SH3D19: variants seen among roughly 807,000 people sequenced by gnomAD.
SH3D19 encodes SH3 domain containing 19, also known as SH3 domain-containing protein 19.
In SH3D19, 58 loss-of-function variants were observed where a neutral mutation model predicts 112.1. The ratio of observed to expected loss-of-function variants is 0.52; its 90% CI spans 0.42 to 0.64. SH3D19 has a LOEUF of 0.64. Ranked by LOEUF, SH3D19 falls within the 30% of genes least tolerant of loss-of-function variation. The pLI is 0.00. For synonymous variants in SH3D19, 391 were observed against 448.5 expected (o/e 0.87, Z 1.62); for missense variants, 1,090 against 1,263.4 (o/e 0.86, Z 2.08).
chr4:151,167,242 A>C (rs1288421062), intron 7 of SH3D19, among the ~76,000 whole-genome samples: 2 of 151,938 alleles, frequency 1.3e-5, no homozygotes, highest in East Asian at 3.8e-4. Flanking sequence ...CCATAAAACA[A>C]AGCTCCTGTT....
At position 151,179,366 on chromosome 4, in the gene SH3D19, A is replaced by C. The variant is rs1298606213; in HGVS notation, c.225T>G (p.His75Gln). ...SSRTSIQSEL[H>Q]RDRRRPEITI... is the part of the protein sequence containing the mutation. ...AAATATAACCATACCTTCTATCTCGATGAAGTTCACTCTGAATAGAAGTCC... is the reference window on the plus strand; with the variant it reads ...AAATATAACCATACCTTCTATCTCGCTGAAGTTCACTCTGAATAGAAGTCC... The change falls in exon 4 of 20, where the codon CAT becomes CAG. Residue 75 changes from histidine (H) to glutamine (Q), a missense_variant. Transcript: ENST00000604030. 1.6e-6 allele frequency: 2 copies of C among 1,229,432 alleles called. No individual in the cohort carries two copies. The highest frequency in any genetic ancestry group is 3.1e-5 in the African/African-American group (2 of 64,358). The allele number at this position is 1,229,432 out of a possible 1,614,324, so 76.2% of individuals were successfully genotyped here.
At chr4:151,263,473 T>C (rs1198682149) in intron 1 of SH3D19, among the ~76,000 whole-genome samples, 18 of 152,248 alleles carry the variant, frequency 1.2e-4, no homozygotes. Flanking sequence ...AGTTATCTAT[T>C]GCAGTACAAC....
At chr4:151,218,600 T>C (rs543053893) in intron 2 of SH3D19, among the ~76,000 whole-genome samples, 1 of 152,246 alleles carries the variant, frequency 6.6e-6, no homozygotes, top group South Asian at 2.1e-4. Flanking sequence ...TTTAAAAAAG[T>C]ATAGATAATA....
chr4:151,301,568 T>C (rs535062388), intron 1 of SH3D19, among the ~76,000 whole-genome samples: 2 of 152,226 alleles, frequency 1.3e-5, no homozygotes, highest in East Asian at 3.9e-4. Context: ...CTCCCCGCTC[T>C]CTCTCTTCCT....
intron 9 of SH3D19, among the ~76,000 whole-genome samples, chr4:151,152,600 C>A (rs552872889): frequency 6.7e-6 from 1 of 149,166 alleles, no homozygotes; most frequent in Admixed American, 6.7e-5. Context: ...GCTCACCAAA[C>A]CTCCGCCTCC....
At chr4:151,316,755 A>G (rs904407484) in intron 1 of SH3D19, among the ~76,000 whole-genome samples, 10 of 152,126 alleles carry the variant, frequency 6.6e-5, no homozygotes, top group Non-Finnish European at 1.2e-4. Context: ...ACAAGCTTAC[A>G]GTTCCTGAAG....
In SH3D19 at chr4:151,121,653, G is replaced by T. The variant is rs933208829; in HGVS notation, c.*438C>A. The stretch of plus-strand genomic sequence containing the variant: ...AAGAATTAATTTGAATATCAAAAAT[G>T]AAATTGAGATTGCTAACCATGTCCT... On this transcript the variant is annotated 3_prime_UTR_variant, in exon 20 of 20. Transcript: ENST00000604030. The T allele has an allele frequency of 6.5e-6, 1 of 152,756 alleles. No homozygotes were observed. The highest frequency in any genetic ancestry group is 2.4e-5 in the African/African-American group (1 of 41,472). The allele number at this position is 152,756 out of a possible 1,614,324, so 9.5% of individuals were successfully genotyped here.
At chr4:151,213,666 GAATTAATT>G (rs148920486) in intron 2 of SH3D19, among the ~76,000 whole-genome samples, 7 of 54,452 alleles carry the variant, frequency 1.3e-4, no homozygotes, top group Admixed American at 9.0e-4. Context: ...TTAATAATAT[GAATTAATT>G]AATTAATTAA....
At chr4:151,133,598 G>A (rs1006834661) in intron 15 of SH3D19, among the ~76,000 whole-genome samples, 2 of 152,140 alleles carry the variant, frequency 1.3e-5, no homozygotes, top group African/African-American at 4.8e-5. Flanking sequence ...GAGTTGAGGA[G>A]TGCTAACCCT....
intron 19 of SH3D19, among the ~76,000 whole-genome samples, chr4:151,126,077 G>A (rs1490278050): frequency 6.6e-6 from 1 of 152,068 alleles, no homozygotes; most frequent in African/African-American, 2.4e-5. Flanking sequence ...CCTGATTCAG[G>A]TATTGCCTTG....
chr4:151,322,431 TAA>T (rs57301959), intron 1 of SH3D19, among the ~76,000 whole-genome samples: 1,218 of 38,350 alleles, frequency 0.032, 15 homozygotes, highest in African/African-American at 0.094. Context: ...AGACTCTGCC[TAA>T]AAAAAAAAAA....
intron 1 of SH3D19, among the ~76,000 whole-genome samples, chr4:151,255,808 T>C (rs1580339184): frequency 6.6e-6 from 1 of 152,266 alleles, no homozygotes; most frequent in East Asian, 1.9e-4. Context: ...GCGGATCACT[T>C]GCGGTTAGGG....
At chr4:151,263,228 A>G (rs1772514691) in intron 1 of SH3D19, among the ~76,000 whole-genome samples, 1 of 152,160 alleles carries the variant, frequency 6.6e-6, no homozygotes. Flanking sequence ...GAGCCTGGGG[A>G]AGTGCAGAAG....
At chr4:151,135,421 ATTTTTTTTTTT>A (rs34291277) in intron 14 of SH3D19, among the ~76,000 whole-genome samples, 3 of 87,464 alleles carry the variant, frequency 3.4e-5, no homozygotes, top group African/African-American at 4.9e-5. Context: ...TCTCTATCTC[ATTTTTTTTTTT>A]TTTTTTTTTT....
chr4:151,255,391 G>A lies in SH3D19; in HGVS notation c.113-29305C>T, dbSNP rs542402522. ...AGGTGCTCCTCACATCCCAGACGGG[G>A]CAGCGGGGCAGAGGCACTCCCCACA... On this transcript the variant is annotated intron_variant, in intron 1 of 19. Transcript: ENST00000604030. Among the ~76,000 whole-genome samples the A allele has an allele frequency of 2.6e-5, 4 of 151,618 alleles. No individual in the cohort carries two copies. The East Asian group carries it at 7.8e-4, about 30-fold the overall frequency.
chr4:151,158,392 C>T lies in SH3D19; in HGVS notation c.1755+848G>A, dbSNP rs184402130. 4.5e-3 allele frequency among the ~76,000 whole-genome samples: 692 copies of T among 152,132 alleles called. 12 individuals are homozygous for T. Among genetic ancestry groups the T allele is most frequent in the Admixed American group, 0.033 (505 of 15,262 alleles). The stretch of plus-strand genomic sequence containing the variant: ...TTGGCTCACTGCAACCTCTGTCTCC[C>T]GGGTTCAAGCGATTCTCCTGCTTCA... On this transcript the variant is annotated intron_variant, in intron 9 of 19. Transcript: ENST00000604030.
chr4:151,148,075 A>T lies in SH3D19; in HGVS notation c.1929T>A (p.Pro643=). 6.2e-7 allele frequency: 1 copy of T among 1,614,158 alleles called. No homozygotes were observed. ...CCATGTCAGAAGAGGATCGATTAAA[A>T]GGCAGTTTCTTATTAGATCTTCTGG... ...SATRRSNKKL[P]FNRSSSDMDL... The change falls in exon 11 of 20, where the codon CCT becomes CCA. Residue 643 remains proline, a synonymous_variant. Transcript: ENST00000604030.
intron 8 of SH3D19, among the ~76,000 whole-genome samples, chr4:151,163,206 C>A (rs1463894031): frequency 1.3e-5 from 2 of 152,178 alleles, no homozygotes; most frequent in Admixed American, 1.3e-4. Context: ...GACTTCACCA[C>A]ATTTGCCTTT....
intron 9 of SH3D19, among the ~76,000 whole-genome samples, chr4:151,150,266 C>CAT (rs1218007947): frequency 2.2e-5 from 2 of 90,018 alleles, no homozygotes; most frequent in South Asian, 3.8e-4. Flanking sequence ...CATATATATA[C>CAT]ATATATATAC....
Sources: gnomAD v4.1 joint callset for allele counts (sites outside exome capture counted in the v4.1 genomes callset) on GRCh38, gnomAD v4.1.1 for gene constraint, MANE v1.5 for transcripts, NCBI Gene and HGNC (gene_info 2026-07-23, HGNC 2026-07-21) for gene names.